Variants in FGGY observed in about 807,000 individuals in gnomAD.
FGGY encodes the protein FGGY carbohydrate kinase domain-containing protein.
FGGY carries 72 observed loss-of-function variants against 71.3 expected under a neutral mutation model. That is an observed-to-expected ratio of 1.01 (90% CI 0.84 to 1.23). FGGY has a LOEUF of 1.23. Ranked by LOEUF, FGGY falls within the 50% of genes most tolerant of loss-of-function variation. FGGY has a pLI of 0.00. For missense variants in FGGY, 668 were observed against 682.3 expected (o/e 0.98, Z 0.23); for synonymous variants, 251 against 250.3 (o/e 1.00, Z -0.02).
intron 5 of FGGY, 86 bp downstream of exon 5, chr1:59,378,923 T>A: frequency 8.9e-7 from 1 of 1,122,466 alleles, no homozygotes; most frequent in East Asian, 2.4e-5. Context: ...TCTCTTTGAC[T>A]GGATATACTT....
intron 14 of FGGY, among the ~76,000 whole-genome samples, chr1:59,750,127 T>C (rs993330451): frequency 1.3e-5 from 2 of 152,158 alleles, no homozygotes; most frequent in African/African-American, 4.8e-5. Flanking sequence ...ATCTGATAAG[T>C]AGCAGAGCCT....
intron 9 of FGGY, among the ~76,000 whole-genome samples, chr1:59,616,842 A>G (rs1289255546): frequency 6.6e-6 from 1 of 152,066 alleles, no homozygotes; most frequent in East Asian, 1.9e-4. Context: ...TATTCTCAAA[A>G]GTCCTATGAT....
chr1:59,704,105 A>G (rs936847646), intron 14 of FGGY, among the ~76,000 whole-genome samples: 3 of 152,172 alleles, frequency 2.0e-5, no homozygotes, highest in Non-Finnish European at 4.4e-5. Context: ...AGGAATGTGT[A>G]TATGTGCGCA....
chr1:59,525,886 CAT>C (rs549954592), intron 7 of FGGY, among the ~76,000 whole-genome samples: 82 of 152,222 alleles, frequency 5.4e-4, no homozygotes, highest in Non-Finnish European at 8.8e-4. Flanking sequence ...TCTTCATACA[CAT>C]GTGTTTATGC....
chr1:59,329,662 A>G (rs543406322), intron 2 of FGGY, among the ~76,000 whole-genome samples: 2 of 152,182 alleles, frequency 1.3e-5, no homozygotes, highest in Non-Finnish European at 2.9e-5. Flanking sequence ...CCTTTAGCGT[A>G]AGAATTGTTA....
intron 6 of FGGY, among the ~76,000 whole-genome samples, chr1:59,477,021 C>T (rs2093295368): frequency 6.6e-6 from 1 of 152,136 alleles, no homozygotes; most frequent in African/African-American, 2.4e-5. Context: ...TTTATTTTTC[C>T]TTGTTTTTTG....
At chr1:59,339,916 C>A (rs764443621) in intron 2 of FGGY, 42 bp from the exon 3 acceptor site, 3 of 1,207,520 alleles carry the variant, frequency 2.5e-6, no homozygotes, top group Non-Finnish European at 3.6e-6. Flanking sequence ...TCTTTAAAGA[C>A]CCTGGTGTTG....
intron 3 of FGGY, among the ~76,000 whole-genome samples, chr1:59,344,222 T>C (rs2051300466): frequency 6.6e-6 from 1 of 151,670 alleles, no homozygotes; most frequent in African/African-American, 2.4e-5. Flanking sequence ...GGAGGTGATA[T>C]CTTTCCAGTT....
chr1:59,399,393 T>C (rs1426109995), intron 5 of FGGY, among the ~76,000 whole-genome samples: 2 of 152,210 alleles, frequency 1.3e-5, no homozygotes, highest in African/African-American at 4.8e-5. Flanking sequence ...CTTATTCCTT[T>C]AACTTTCTTA....
chr1:59,681,418 T>C (rs912332677), intron 14 of FGGY, among the ~76,000 whole-genome samples: 2 of 152,190 alleles, frequency 1.3e-5, no homozygotes, highest in African/African-American at 4.8e-5. Context: ...TACTAAGTTC[T>C]TAGAAACTTT....
At chr1:59,635,480 C>G (rs12042560) in intron 10 of FGGY, among the ~76,000 whole-genome samples, 1 of 151,004 alleles carries the variant, frequency 6.6e-6, no homozygotes, top group African/African-American at 2.4e-5. Flanking sequence ...ACCCAGATGT[C>G]TGAAACCAAA....
intron 8 of FGGY, among the ~76,000 whole-genome samples, chr1:59,597,384 A>G (rs1019224529): frequency 2.6e-5 from 4 of 152,190 alleles, no homozygotes; most frequent in Admixed American, 2.6e-4. Flanking sequence ...CCACTGACAG[A>G]TCTTACAAGT....
intron 6 of FGGY, among the ~76,000 whole-genome samples, chr1:59,458,840 G>A (rs576166373): frequency 6.6e-6 from 1 of 152,320 alleles, no homozygotes; most frequent in African/African-American, 2.4e-5. Context: ...TGAACCCAAA[G>A]TAGAAGATAT....
intron 8 of FGGY, among the ~76,000 whole-genome samples, chr1:59,601,748 T>C (rs1395606174): frequency 6.6e-6 from 1 of 152,236 alleles, no homozygotes; most frequent in Non-Finnish European, 1.5e-5. Flanking sequence ...GATGTCTGTC[T>C]TTCTATATCT....
At chr1:59,654,863 G>A (rs28714503) in intron 11 of FGGY, among the ~76,000 whole-genome samples, 1 of 152,086 alleles carries the variant, frequency 6.6e-6, no homozygotes, top group East Asian at 1.9e-4. Flanking sequence ...AAGATTTAAG[G>A]TGAAGTCCAG....
At chr1:59,503,671 G>A (rs939965302) in intron 6 of FGGY, among the ~76,000 whole-genome samples, 1 of 145,826 alleles carries the variant, frequency 6.9e-6, no homozygotes. Context: ...ATAATTAAAT[G>A]TTATATTCAA....
chr1:59,734,147 T>C (rs1159744715), intron 14 of FGGY, among the ~76,000 whole-genome samples: 5 of 152,218 alleles, frequency 3.3e-5, no homozygotes, highest in African/African-American at 7.2e-5. Flanking sequence ...AGTTTTCTTT[T>C]CTTTTTCTTT....
At chr1:59,373,575 C>G (rs553520191) in intron 4 of FGGY, among the ~76,000 whole-genome samples, 76 of 152,192 alleles carry the variant, frequency 5.0e-4, no homozygotes, top group African/African-American at 1.7e-3. Flanking sequence ...TCATATGGAA[C>G]CAAAAAAGAG....
At chr1:59,443,058 G>A (rs769101164) in intron 5 of FGGY, among the ~76,000 whole-genome samples, 15 of 152,166 alleles carry the variant, frequency 9.9e-5, no homozygotes, top group African/African-American at 2.2e-4. Flanking sequence ...AGAGTTGTCA[G>A]TGTCTCATAA....
Sources: gnomAD v4.1 joint callset for allele counts (sites outside exome capture counted in the v4.1 genomes callset) on GRCh38, gnomAD v4.1.1 for gene constraint, MANE v1.5 for transcripts, NCBI Gene and HGNC (gene_info 2026-07-23, HGNC 2026-07-21) for gene names.